RHOG: variants seen among roughly 807,000 people sequenced by gnomAD.
RHOG encodes the protein rho-related GTP-binding protein RhoG.
RHOG carries 1 observed loss-of-function variant against 12.3 expected under a neutral mutation model. The observed-to-expected ratio is 0.08, with a 90% confidence interval of 0.03 to 0.39. The LOEUF (loss-of-function observed/expected upper bound fraction) is 0.39, where lower values mean the gene tolerates loss of function less well. Among genes scored for constraint, RHOG ranks in the 10% least tolerant of loss-of-function variants. The pLI, the probability that RHOG is intolerant of heterozygous loss-of-function variation, is 0.99. For synonymous variants in RHOG, 129 were observed against 116.0 expected, an observed-to-expected ratio of 1.11 and a Z score of -0.72; for missense variants, 114 against 266.2, an observed-to-expected ratio of 0.43 and a Z score of 3.98.
chr11:3,828,481 A>C (rs12272393), intron 1 of RHOG, among the ~76,000 whole-genome samples: 39,579 of 152,094 alleles, frequency 0.26, 5,914 homozygotes, highest in African/African-American at 0.39. Context: ...TAACCCTGAA[A>C]AAATTGCTTA....
At chr11:3,836,850 C>A (rs1051544517) in intron 1 of RHOG, among the ~76,000 whole-genome samples, 22 of 134,448 alleles carry the variant, frequency 1.6e-4, no homozygotes, top group African/African-American at 6.2e-4. Flanking sequence ...TTGTGGTGAG[C>A]TGAGATCGCG....
intron 1 of RHOG, among the ~76,000 whole-genome samples, chr11:3,833,605 C>A (rs7128013): frequency 0.22 from 32,978 of 152,112 alleles, 4,674 homozygotes; most frequent in African/African-American, 0.4. Flanking sequence ...CCCTGAGCTT[C>A]TGATGATTTG....
chr11:3,828,168 T>C lies in RHOG; in HGVS notation c.-30A>G, dbSNP rs746656564. 1 of 1,588,776 alleles carries C rather than the reference T, an allele frequency of 6.3e-7. No homozygotes were observed. The highest frequency in any genetic ancestry group is 2.3e-5 in the East Asian group (1 of 44,190). On this transcript the variant is annotated 5_prime_UTR_variant, in exon 2 of 2. Transcript: ENST00000351018. ...GGTGCAGTTGCTGTAGTGGAGGCAG[T>C]GCCTCCTCTCTCTTCTGGACCCCTC...
Position 3,839,602 on chromosome 11 carries a change from A to AACACACACAC in RHOG, c.-69+1282_-69+1291dup, listed in dbSNP as rs112483411. 1.5e-3 allele frequency among the ~76,000 whole-genome samples: 213 copies of AACACACACAC among 141,688 alleles called. 2 individuals are homozygous for AACACACACAC. The highest frequency in any genetic ancestry group is 4.4e-3 in the Admixed American group (62 of 14,024). The allele number at this position is 141,688 out of a possible 152,430, so 93.0% of individuals were successfully genotyped here. Reference sequence around the variant, plus strand: ...ACACGCGCGTGCGAACACACACGCAAACACACACACACACACACACACACA... The same window carrying AACACACACAC: ...ACACGCGCGTGCGAACACACACGCAAACACACACACACACACACACACACACACACACACA... On this transcript the variant is annotated intron_variant, in intron 1 of 1. Coordinates refer to ENST00000351018, the MANE Select transcript of RHOG (RefSeq NM_001665.4).
intron 1 of RHOG, among the ~76,000 whole-genome samples, chr11:3,840,032 G>T (rs1279133102): frequency 6.6e-6 from 1 of 152,158 alleles, no homozygotes; most frequent in Admixed American, 6.5e-5. Flanking sequence ...AAGGTGTGGA[G>T]GGAGACGACA....
Position 3,831,554 on chromosome 11 carries a change from G to T in RHOG, c.-68-3348C>A, listed in dbSNP as rs1005756453. Among the ~76,000 whole-genome samples, 9 of 152,268 alleles carry T rather than the reference G, an allele frequency of 5.9e-5. No homozygotes were observed. In the South Asian group the frequency reaches 1.9e-3, roughly 32 times the overall value. ...GTCAAATAGAGACCTCAGACTGGAAGTTGAGAGACCTAAGTTCTAACCCCA... is the reference window on the plus strand; with the variant it reads ...GTCAAATAGAGACCTCAGACTGGAATTTGAGAGACCTAAGTTCTAACCCCA... On this transcript the variant is annotated intron_variant, in intron 1 of 1. Coordinates refer to ENST00000351018, the MANE Select transcript of RHOG (RefSeq NM_001665.4).
chr11:3,839,599 G>GCAAACACACACACACACACACA (rs2090178810), intron 1 of RHOG, among the ~76,000 whole-genome samples: 1 of 74,130 alleles, frequency 1.3e-5, no homozygotes, highest in African/African-American at 5.9e-5. Context: ...GAACACACAC[G>GCAAACACACACACACACACACA]CAAACACACA....
intron 1 of RHOG, among the ~76,000 whole-genome samples, chr11:3,830,033 C>T (rs2090116930): frequency 6.6e-6 from 1 of 152,206 alleles, no homozygotes; most frequent in South Asian, 2.1e-4. Context: ...AGGCATGAGC[C>T]ACCATGCCCG....
chr11:3,838,596 T>C (rs1403084239), intron 1 of RHOG, among the ~76,000 whole-genome samples: 2 of 151,956 alleles, frequency 1.3e-5, no homozygotes, highest in Non-Finnish European at 2.9e-5. Flanking sequence ...AGACAAGTGG[T>C]TGGAAGGGCA....
At chr11:3,839,602 A>ACACACACACACACACACACAC (rs2090178871) in intron 1 of RHOG, among the ~76,000 whole-genome samples, 1 of 141,598 alleles carries the variant, frequency 7.1e-6, no homozygotes, top group Admixed American at 7.1e-5. Context: ...CACACACGCA[A>ACACACACACACACACACACAC]ACACACACAC....
rs60619732 is a variant in RHOG, at chr11:3,840,539, C to CAA, written c.-69+354_-69+355insTT. On this transcript the variant is annotated intron_variant, in intron 1 of 1. Transcript: ENST00000351018. ...CTCCCCTCACGCACTTCTCAACACCCCCCCCACCAACTTCTGAGGACACCC... is the reference window on the plus strand; with the variant it reads ...CTCCCCTCACGCACTTCTCAACACCCAACCCCCACCAACTTCTGAGGACACCC... The CAA allele has an allele frequency of 2.0e-5, 3 of 149,986 alleles. No individual in the cohort carries two copies. The South Asian group carries it at 6.4e-4, about 32-fold the overall frequency. 9.3% of individuals were successfully genotyped at this position (149,986 alleles called of 1,614,324 possible).
At chr11:3,833,514 T>C (rs553285207) in intron 1 of RHOG, among the ~76,000 whole-genome samples, 35 of 152,278 alleles carry the variant, frequency 2.3e-4, no homozygotes, top group Middle Eastern at 3.4e-3. Context: ...GCATTCAGAG[T>C]TCTTCACAAT....
intron 1 of RHOG, among the ~76,000 whole-genome samples, chr11:3,828,711 C>T (rs1038987864): frequency 2.7e-5 from 4 of 150,632 alleles, no homozygotes; most frequent in African/African-American, 9.8e-5. Flanking sequence ...GCAAGCTCCG[C>T]CTCCTGGGTT....
In RHOG at chr11:3,827,325, G is replaced by A. The variant is rs1309527587; in HGVS notation, c.*238C>T. 1.8e-6 allele frequency: 1 copy of A among 555,604 alleles called. No homozygotes were observed. Among genetic ancestry groups the A allele is most frequent in the East Asian group, 2.9e-5 (1 of 34,252 alleles). 34.4% of individuals were successfully genotyped at this position (555,604 alleles called of 1,614,324 possible). ...GCCTCTTGGGGAGGGGTCCAACCTTGGCTTGGATGAGCTCATGAGAATACC... is the reference window on the plus strand; with the variant it reads ...GCCTCTTGGGGAGGGGTCCAACCTTAGCTTGGATGAGCTCATGAGAATACC... On this transcript the variant is annotated 3_prime_UTR_variant, in exon 2 of 2. Transcript: ENST00000351018. This position sits in a 1 kb window ranked among gnomAD's most constrained non-coding sequence, Gnocchi z 7.3.
intron 1 of RHOG, among the ~76,000 whole-genome samples, chr11:3,828,534 AAAT>A (rs2090103302): frequency 1.3e-5 from 2 of 152,206 alleles, no homozygotes. Flanking sequence ...AATGAGGATA[AAAT>A]AATATCTACC....
intron 1 of RHOG, chr11:3,837,962 C>G (rs541952364): frequency 2.2e-4 from 33 of 152,532 alleles, no homozygotes; most frequent in African/African-American, 7.7e-4. Context: ...GAGATGCCCT[C>G]CCCCCATATG....
rs748092390 is a variant in RHOG, at chr11:3,828,146, G to A, written c.-8C>T. 6 of 1,609,542 alleles carry A rather than the reference G, an allele frequency of 3.7e-6. No individual in the cohort carries two copies. Among genetic ancestry groups the A allele is most frequent in the Non-Finnish European group, 4.2e-6 (5 of 1,176,638 alleles). On this transcript the variant is annotated 5_prime_UTR_variant, in exon 2 of 2. Coordinates refer to ENST00000351018, the MANE Select transcript of RHOG (RefSeq NM_001665.4). The stretch of plus-strand genomic sequence containing the variant: ...GCACTTGATGCTCTGCATCGTGGGT[G>A]CAGTTGCTGTAGTGGAGGCAGTGCC...
chr11:3,829,703 C>G (rs1313464216), intron 1 of RHOG, among the ~76,000 whole-genome samples: 1 of 152,012 alleles, frequency 6.6e-6, no homozygotes, highest in African/African-American at 2.4e-5. Context: ...GGCTGAGGCT[C>G]CCAGACATTA....
chr11:3,827,566 C>T lies in RHOG; in HGVS notation c.573G>A (p.Leu191=), dbSNP rs1414763351. The change falls in exon 2 of 2, where the codon TTG becomes TTA. Residue 191 remains leucine (L), a synonymous_variant. Transcript: ENST00000351018. The surrounding 1 kb of genome is among the most constrained non-coding windows in gnomAD (Gnocchi z 7.3). Reference sequence around the variant, plus strand: ...GCCTCCAAGCCAAGTGCCAGGGTCACAAGAGGATGCAGGACCGCCCACGCT... The same window carrying T: ...GCCTCCAAGCCAAGTGCCAGGGTCATAAGAGGATGCAGGACCGCCCACGCT... ...PIKRGRSCIL[L] 4 of 1,601,896 alleles carry T rather than the reference C, an allele frequency of 2.5e-6. No homozygotes were observed. The Middle Eastern group carries it at 4.9e-4, about 198-fold the overall frequency.
Sources: allele counts gnomAD v4.1 joint callset (sites outside exome capture counted in the v4.1 genomes callset), GRCh38; gene constraint gnomAD v4.1.1; non-coding constraint Gnocchi (gnomAD v3.1); transcripts MANE v1.5; gene names NCBI Gene and HGNC (gene_info 2026-07-23, HGNC 2026-07-21).